Variants in CDH12 observed in about 807,000 individuals in gnomAD.
CDH12 encodes cadherin 12, also known as cadherin-12.
Under a neutral mutation model 74.1 loss-of-function variants are expected in CDH12, and 41 were observed. The ratio of observed to expected loss-of-function variants is 0.55; its 90% CI spans 0.43 to 0.72. CDH12 has a LOEUF of 0.72. CDH12 is among the 30% of genes least tolerant of loss of function. The pLI, the probability that CDH12 is intolerant of heterozygous loss-of-function variation, is 0.00. For synonymous variants in CDH12, 399 were observed against 355.0 expected (o/e 1.12, Z -1.39); for missense variants, 945 against 977.2 (o/e 0.97, Z 0.44).
chr5:21,815,010 G>T (rs1478742913), intron 9 of CDH12, among the ~76,000 whole-genome samples: 1 of 151,978 alleles, frequency 6.6e-6, no homozygotes, highest in South Asian at 2.1e-4. Flanking sequence ...TAACATAAAT[G>T]CTTAATTTAA....
intron 1 of CDH12, among the ~76,000 whole-genome samples, chr5:22,735,813 T>A (rs1744681286): frequency 6.6e-6 from 1 of 151,908 alleles, no homozygotes; most frequent in Non-Finnish European, 1.5e-5. Flanking sequence ...TGTTTACTCA[T>A]GTGTCATCTT....
chr5:22,661,669 A>C (rs895543104), intron 1 of CDH12, among the ~76,000 whole-genome samples: 1 of 152,138 alleles, frequency 6.6e-6, no homozygotes, highest in Non-Finnish European at 1.5e-5. Flanking sequence ...TCATCAATTT[A>C]AGATTGTTAA....
chr5:22,696,885 C>A (rs1050268460), intron 1 of CDH12, among the ~76,000 whole-genome samples: 2 of 151,882 alleles, frequency 1.3e-5, no homozygotes, highest in Non-Finnish European at 2.9e-5. Flanking sequence ...AACAATTAAG[C>A]TAGCAGGAAA....
chr5:22,728,187 GATTGA>G (rs1308608936), intron 1 of CDH12, among the ~76,000 whole-genome samples: 2 of 151,358 alleles, frequency 1.3e-5, no homozygotes, highest in African/African-American at 2.4e-5. Context: ...AAAAGCTATT[GATTGA>G]ATTCTTAATT....
intron 2 of CDH12, among the ~76,000 whole-genome samples, chr5:22,499,998 C>G (rs988632617): frequency 1.3e-5 from 2 of 152,136 alleles, no homozygotes; most frequent in Non-Finnish European, 2.9e-5. Context: ...ATCTCCTTAA[C>G]AGGCTCATGA....
chr5:21,924,323 T>C (rs1754490803), intron 6 of CDH12, among the ~76,000 whole-genome samples: 1 of 152,004 alleles, frequency 6.6e-6, no homozygotes, highest in African/African-American at 2.4e-5. Flanking sequence ...TGAGACCAGC[T>C]TGGCCAACAC....
intron 3 of CDH12, among the ~76,000 whole-genome samples, chr5:22,268,785 T>A (rs1019613300): frequency 6.6e-6 from 1 of 152,130 alleles, no homozygotes; most frequent in Admixed American, 6.6e-5. Flanking sequence ...TCAGAAAGAA[T>A]CATAGCTTTT....
intron 6 of CDH12, chr5:21,882,735 G>A (rs1368686962): frequency 8.1e-6 from 13 of 1,604,836 alleles, no homozygotes; most frequent in African/African-American, 8.0e-5. Flanking sequence ...CCTTTTAGCC[G>A]ATGCTGTGGC....
intron 1 of CDH12, chr5:22,580,475 C>G (rs1309803370): frequency 2.0e-6 from 1 of 503,442 alleles, no homozygotes; most frequent in African/African-American, 1.9e-5. Context: ...GCGTGTCAGA[C>G]AAGTCATACT....
chr5:22,483,802 T>C (rs530206777), intron 2 of CDH12, among the ~76,000 whole-genome samples: 43 of 85,964 alleles, frequency 5.0e-4, no homozygotes, highest in African/African-American at 2.0e-3. Flanking sequence ...GTGGCTGTAG[T>C]CCCTACTACT....
At chr5:22,084,345 T>A (rs1742931439) in intron 4 of CDH12, among the ~76,000 whole-genome samples, 1 of 152,168 alleles carries the variant, frequency 6.6e-6, no homozygotes, top group Non-Finnish European at 1.5e-5. Flanking sequence ...GGCATTGATA[T>A]TATTAAAAAT....
chr5:22,511,369 G>T (rs1364959434), intron 1 of CDH12, among the ~76,000 whole-genome samples: 1 of 151,880 alleles, frequency 6.6e-6, no homozygotes, highest in Admixed American at 6.6e-5. Flanking sequence ...TTAGTGTAAA[G>T]ATAATATTAA....
At chr5:22,154,797 A>C (rs1474201617) in intron 4 of CDH12, among the ~76,000 whole-genome samples, 2 of 152,150 alleles carry the variant, frequency 1.3e-5, no homozygotes, top group Non-Finnish European at 2.9e-5. Context: ...CACTTAACAC[A>C]GATTTATTAT....
intron 2 of CDH12, among the ~76,000 whole-genome samples, chr5:22,454,530 G>T (rs1469498118): frequency 6.6e-6 from 1 of 152,084 alleles, no homozygotes; most frequent in East Asian, 1.9e-4. Flanking sequence ...CTGGAGCACA[G>T]TGGTGTTCTC....
intron 5 of CDH12, among the ~76,000 whole-genome samples, chr5:21,982,536 T>A (rs960159288): frequency 6.6e-6 from 1 of 151,788 alleles, no homozygotes; most frequent in African/African-American, 2.4e-5. Flanking sequence ...TCTATATCCA[T>A]ATATAGAGAT....
chr5:21,850,264 T>G (rs542384151), intron 7 of CDH12, among the ~76,000 whole-genome samples: 1 of 151,662 alleles, frequency 6.6e-6, no homozygotes, highest in South Asian at 2.1e-4. Flanking sequence ...TAGTGTATTG[T>G]ACTTTGGATT....
intron 1 of CDH12, among the ~76,000 whole-genome samples, chr5:22,650,038 G>A (rs938385442): frequency 6.6e-6 from 1 of 151,946 alleles, no homozygotes; most frequent in Non-Finnish European, 1.5e-5. Flanking sequence ...AATTAAATGG[G>A]TGCAAAATTA....
intron 10 of CDH12, among the ~76,000 whole-genome samples, chr5:21,797,067 G>A (rs1025965445): frequency 6.6e-6 from 1 of 152,036 alleles, no homozygotes; most frequent in South Asian, 2.1e-4. Context: ...GGGGCCAAAG[G>A]GTGAGAGTAA....
chr5:22,546,076 C>G (rs1738312542), intron 1 of CDH12, among the ~76,000 whole-genome samples: 2 of 152,134 alleles, frequency 1.3e-5, no homozygotes, highest in Non-Finnish European at 1.5e-5. Flanking sequence ...TCCCAAGTAG[C>G]CAAGATTACA....
Sources: allele counts gnomAD v4.1 joint callset (sites outside exome capture counted in the v4.1 genomes callset), GRCh38; gene constraint gnomAD v4.1.1; transcripts MANE v1.5; gene names NCBI Gene and HGNC (gene_info 2026-07-23, HGNC 2026-07-21).